P2RY8: variants seen among roughly 807,000 people sequenced by gnomAD.
The protein encoded by P2RY8 is S-geranylgeranyl-glutathione receptor P2RY8.
Under a neutral mutation model 10.0 loss-of-function variants are expected in P2RY8, and 6 were observed. The observed-to-expected ratio is 0.60, with a 90% CI of 0.33 to 1.19. P2RY8 has a LOEUF of 1.19. P2RY8 is among the 50% of genes most tolerant of loss of function. P2RY8 has a pLI of 0.04. For missense variants in P2RY8, 456 were observed against 542.0 expected (o/e 0.84, Z 1.58); for synonymous variants, 276 against 252.5 (o/e 1.09, Z -0.88).
intron 1 of P2RY8, among the ~76,000 whole-genome samples, chrX:1,509,111 C>CTATG (rs1461481374): frequency 2.3e-5 from 3 of 131,212 alleles, no homozygotes; most frequent in East Asian, 2.2e-4. Flanking sequence ...ATCTATCTAT[C>CTATG]TATCTATCTA....
chrX:1,485,357 T>C (rs2091976946), intron 1 of P2RY8, among the ~76,000 whole-genome samples: 1 of 152,080 alleles, frequency 6.6e-6, no homozygotes, highest in African/African-American at 2.4e-5. Flanking sequence ...CAGGCTGGTC[T>C]CAAATTCCTG....
In P2RY8 at chrX:1,507,664, G is replaced by T. The variant is rs1414962976; in HGVS notation, c.-25+29257C>A. On this transcript the variant is annotated intron_variant, in intron 1 of 1. Coordinates refer to ENST00000381297, the MANE Select transcript of P2RY8 (RefSeq NM_178129.5). The stretch of plus-strand genomic sequence containing the variant: ...CCACGTGCCGGCCCCTCCTGTTGGC[G>T]ACGCGCGATTTCCGCCCCCCTGCCT... Among the ~76,000 whole-genome samples the T allele has an allele frequency of 7.2e-5, 11 of 152,180 alleles. No homozygotes were observed. The South Asian group carries it at 8.3e-4, about 11-fold the overall frequency.
At chrX:1,514,962 G>T (rs185351229) in intron 1 of P2RY8, among the ~76,000 whole-genome samples, 1 of 141,844 alleles carries the variant, frequency 7.1e-6, no homozygotes, top group African/African-American at 2.6e-5. Context: ...GAAGTGCGGT[G>T]ACACTACCTC....
At chrX:1,505,738 C>T (rs1204864514) in intron 1 of P2RY8, among the ~76,000 whole-genome samples, 4 of 151,882 alleles carry the variant, frequency 2.6e-5, no homozygotes, top group Non-Finnish European at 4.4e-5. Context: ...TGCAGTGAGC[C>T]GACATGGCGC....
At position 1,462,826 on chromosome X, in the gene P2RY8, CAT is replaced by C. The variant is rs1282629547; in HGVS notation, c.*2651_*2652del. ...AGAAGTAAAGTTTTCCATCTTAAAA[CAT>C]GTGTGTGAGTCAATAGACCTGTGTT... On this transcript the variant is annotated 3_prime_UTR_variant, in exon 2 of 2. Transcript: ENST00000381297. 4.3e-5 allele frequency: 10 copies of C among 233,004 alleles called. No individual in the cohort carries two copies. Among genetic ancestry groups the C allele is most frequent in the Middle Eastern group, 1.3e-3 (1 of 786 alleles). 14.4% of individuals were successfully genotyped at this position (233,004 alleles called of 1,614,324 possible).
chrX:1,471,764 A>G (rs5949204), intron 1 of P2RY8, among the ~76,000 whole-genome samples: 80,291 of 151,844 alleles, frequency 0.53, 21,445 homozygotes, highest in South Asian at 0.65. Context: ...GACAAAAGGC[A>G]TCTCCTCGTG....
rs184324615 is a variant in P2RY8 at position 1,526,272 on chromosome X, C to T, written c.-25+10649G>A. ...CTATTCATTCACCCATTCTTTCATGCATCCATTCATTCACTCATTCATTCA... is the reference window on the plus strand; with the variant it reads ...CTATTCATTCACCCATTCTTTCATGTATCCATTCATTCACTCATTCATTCA... On this transcript the variant is annotated intron_variant, in intron 1 of 1. Transcript: ENST00000381297. Among the ~76,000 whole-genome samples, 790 of 151,930 alleles carry T rather than the reference C, an allele frequency of 5.2e-3. 7 individuals carry two copies. Among genetic ancestry groups the T allele is most frequent in the African/African-American group, 0.018 (748 of 41,428 alleles).
In P2RY8 at chrX:1,525,935, G is replaced by A. The variant is rs183919510; in HGVS notation, c.-25+10986C>T. Among the ~76,000 whole-genome samples the A allele has an allele frequency of 3.2e-4, 44 of 138,356 alleles. 1 individual carries two copies. Among genetic ancestry groups the A allele is most frequent in the Non-Finnish European group, 1.9e-4 (12 of 63,842 alleles). The allele number at this position is 138,356 out of a possible 152,430, so 90.8% of individuals were successfully genotyped here. A position where few individuals can be genotyped will look rare whatever the true frequency, so the allele number is the denominator to read the frequency against. ...ATTCATCCATCCATCCATCCATTCA[G>A]TCATCCATCCACTTATCAATACACC... On this transcript the variant is annotated intron_variant, in intron 1 of 1. Transcript: ENST00000381297.
intron 1 of P2RY8, among the ~76,000 whole-genome samples, chrX:1,515,314 G>A (rs753166528): frequency 6.6e-6 from 1 of 151,540 alleles, no homozygotes; most frequent in Non-Finnish European, 1.5e-5. Context: ...CAGTTCATTG[G>A]GTTTAGAACG....
In P2RY8 at chrX:1,530,124, T is replaced by C. The variant is rs187008688; in HGVS notation, c.-25+6797A>G. Among the ~76,000 whole-genome samples the C allele has an allele frequency of 4.8e-3, 195 of 40,542 alleles. 1 individual carries two copies. Among genetic ancestry groups the C allele is most frequent in the African/African-American group, 0.015 (193 of 12,860 alleles). The allele number at this position is 40,542 out of a possible 152,430, so 26.6% of individuals were successfully genotyped here. On this transcript the variant is annotated intron_variant, in intron 1 of 1. Transcript: ENST00000381297. ...ATCCATGTATCTATGTATCTATGCA[T>C]CTATGTATGTATGTATGTATGTATG...
At chrX:1,518,440 AAT>A (rs2092367552) in intron 1 of P2RY8, among the ~76,000 whole-genome samples, 1 of 112,858 alleles carries the variant, frequency 8.9e-6, no homozygotes, top group Non-Finnish European at 1.9e-5. Flanking sequence ...AAAAAAAAAT[AAT>A]AATAATATAA....
At chrX:1,521,341 C>CAGCTAATTTTTTGTATTTTTAGTA (rs2092390104) in intron 1 of P2RY8, among the ~76,000 whole-genome samples, 1 of 152,100 alleles carries the variant, frequency 6.6e-6, no homozygotes, top group Non-Finnish European at 1.5e-5. Flanking sequence ...CCACCGCGCC[C>CAGCTAATTTTTTGTATTTTTAGTA]GGCCTTTATC....
chrX:1,495,150 C>T (rs1286870293), intron 1 of P2RY8, among the ~76,000 whole-genome samples: 3 of 152,162 alleles, frequency 2.0e-5, no homozygotes, highest in Non-Finnish European at 2.9e-5. Flanking sequence ...ACTCACACCA[C>T]TGCACTCCAG....
chrX:1,535,609 C>A (rs2092518408), intron 1 of P2RY8, among the ~76,000 whole-genome samples: 2 of 151,872 alleles, frequency 1.3e-5, no homozygotes. Flanking sequence ...CGGGCTTCAG[C>A]TCCTCAGCGG....
Position 1,524,209 on chromosome X carries a change from A to C in P2RY8, c.-25+12712T>G, listed in dbSNP as rs1243187257. 2.0e-5 allele frequency among the ~76,000 whole-genome samples: 3 copies of C among 152,054 alleles called. No individual in the cohort carries two copies. In the East Asian group the frequency reaches 5.8e-4, roughly 29 times the overall value. Reference sequence around the variant, plus strand: ...AAGAGTTTGATGGTGTGGGGGGAGCATTGAGAATGTCCCTTTGTACACAGT... The same window carrying C: ...AAGAGTTTGATGGTGTGGGGGGAGCCTTGAGAATGTCCCTTTGTACACAGT... On this transcript the variant is annotated intron_variant, in intron 1 of 1. Coordinates refer to ENST00000381297, the MANE Select transcript of P2RY8 (RefSeq NM_178129.5).
At chrX:1,483,531 G>A (rs1236032777) in intron 1 of P2RY8, among the ~76,000 whole-genome samples, 1 of 152,152 alleles carries the variant, frequency 6.6e-6, no homozygotes, top group African/African-American at 2.4e-5. Context: ...CTACTCAGGA[G>A]GCTGAGGCAG....
In P2RY8 at chrX:1,463,862, G is replaced by T. The variant is rs1321433746; in HGVS notation, c.*1617C>A. On this transcript the variant is annotated 3_prime_UTR_variant, in exon 2 of 2. Coordinates refer to ENST00000381297, the MANE Select transcript of P2RY8 (RefSeq NM_178129.5). ...CTCTTCCGTCTCTCATAGGGACACT[G>T]GATTGGGCCCATTGTAAATGCAGTA... The T allele has an allele frequency of 1.3e-4, 31 of 233,304 alleles. No individual in the cohort carries two copies. In the East Asian group the frequency reaches 1.9e-3, roughly 14 times the overall value. 14.5% of individuals were successfully genotyped at this position (233,304 alleles called of 1,614,324 possible).
intron 1 of P2RY8, among the ~76,000 whole-genome samples, chrX:1,488,696 T>C (rs1420495060): frequency 6.6e-6 from 1 of 151,526 alleles, no homozygotes; most frequent in African/African-American, 2.4e-5. Context: ...GTCCTTAGCT[T>C]AGAGCTGTGC....
At chrX:1,485,814 A>G (rs2091981733) in intron 1 of P2RY8, among the ~76,000 whole-genome samples, 1 of 150,538 alleles carries the variant, frequency 6.6e-6, no homozygotes, top group Admixed American at 6.7e-5. Flanking sequence ...CATAGCATAT[A>G]TAAAATTATA....
Sources: gnomAD v4.1 joint callset for allele counts (sites outside exome capture counted in the v4.1 genomes callset) on GRCh38, gnomAD v4.1.1 for gene constraint, MANE v1.5 for transcripts, NCBI Gene and HGNC (gene_info 2026-07-23, HGNC 2026-07-21) for gene names.